The following MXD4 variants were observed in gnomAD, a reference collection of about 807,000 sequenced individuals.
MXD4 encodes MAX dimerization protein 4.
In MXD4, 16 loss-of-function variants were observed where a neutral mutation model predicts 24.5. The observed-to-expected ratio is 0.65, with a 90% CI of 0.44 to 0.99. The LOEUF is 0.99. Among genes scored for constraint, MXD4 ranks in the 50% least tolerant of loss-of-function variants. The pLI, the probability that MXD4 is intolerant of heterozygous loss-of-function variation, is 0.00. For missense variants in MXD4, 301 were observed against 301.5 expected (o/e 1.00, Z 0.01); for synonymous variants, 164 against 134.2 (o/e 1.22, Z -1.54).
chr4:2,260,597 A>G, intron 2 of MXD4: 1 of 454,846 alleles, frequency 2.2e-6, no homozygotes, highest in Non-Finnish European at 4.4e-6. Context: ...CCCTCGTCAC[A>G]CTCCTGTCCT....
chr4:2,249,098 C>G lies in MXD4; in HGVS notation c.*1446G>C, dbSNP rs187985927. 1 of 152,442 alleles carries G rather than the reference C, an allele frequency of 6.6e-6. No homozygotes were observed. Among genetic ancestry groups the G allele is most frequent in the Non-Finnish European group, 1.5e-5 (1 of 68,080 alleles). 9.4% of individuals were successfully genotyped at this position (152,442 alleles called of 1,614,324 possible). A position where few individuals can be genotyped will look rare whatever the true frequency, so the allele number is the denominator to read the frequency against. ...ACTGGGGACCAGGTCACAGCCCCTCCGTGCCACCCACAGGGGCCTGGCTGC... is the reference window on the plus strand; with the variant it reads ...ACTGGGGACCAGGTCACAGCCCCTCGGTGCCACCCACAGGGGCCTGGCTGC... On this transcript the variant is annotated 3_prime_UTR_variant, in exon 6 of 6. Coordinates refer to ENST00000337190, the MANE Select transcript of MXD4 (RefSeq NM_006454.3).
chr4:2,255,335 T>C (rs1283495580), intron 3 of MXD4: 1 of 456,098 alleles, frequency 2.2e-6, no homozygotes, highest in Non-Finnish European at 4.4e-6. Context: ...CAGACCGCTT[T>C]AGAAATCACG....
intron 3 of MXD4, among the ~76,000 whole-genome samples, chr4:2,257,175 G>C (rs1239994221): frequency 1.3e-5 from 2 of 152,208 alleles, no homozygotes; most frequent in Non-Finnish European, 2.9e-5. Context: ...GGGAGGCGGA[G>C]AACTGGCCGA....
intron 2 of MXD4, among the ~76,000 whole-genome samples, chr4:2,261,502 G>C (rs1243605414): frequency 4.0e-5 from 6 of 150,866 alleles, no homozygotes; most frequent in African/African-American, 1.5e-4. Flanking sequence ...TTACGCGAGC[G>C]GCCCGGGAGG....
At position 2,247,600 on chromosome 4, in the gene MXD4, A is replaced by C. The variant is rs985869960; in HGVS notation, c.*2944T>G. 1.3e-5 allele frequency: 2 copies of C among 152,162 alleles called. No individual in the cohort carries two copies. The highest frequency in any genetic ancestry group is 2.4e-5 in the African/African-American group (1 of 41,426). The allele number at this position is 152,162 out of a possible 1,614,324, so 9.4% of individuals were successfully genotyped here. The stretch of plus-strand genomic sequence containing the variant: ...TGGCACGGAACCTGCCCTAGTGCCC[A>C]ACATGGACCTGGGGCCACCCTGCTG... On this transcript the variant is annotated 3_prime_UTR_variant, in exon 6 of 6. Coordinates refer to ENST00000337190, the MANE Select transcript of MXD4 (RefSeq NM_006454.3).
rs1295984817 is a variant in MXD4, at chr4:2,248,354, G to C, written c.*2190C>G. 1 of 152,476 alleles carries C rather than the reference G, an allele frequency of 6.6e-6. No individual in the cohort carries two copies. Among genetic ancestry groups the C allele is most frequent in the Non-Finnish European group, 1.5e-5 (1 of 68,110 alleles). The allele number at this position is 152,476 out of a possible 1,614,324, so 9.4% of individuals were successfully genotyped here. The stretch of plus-strand genomic sequence containing the variant: ...GTCACCGGGTGGATTCTGCTGGTCA[G>C]AGATGAGAGCAGAAGCCCCTAGCTG... On this transcript the variant is annotated 3_prime_UTR_variant, in exon 6 of 6. Transcript: ENST00000337190.
intron 3 of MXD4, chr4:2,254,546 CAAGA>C (rs1735388185): frequency 6.6e-6 from 1 of 151,896 alleles, no homozygotes; most frequent in Admixed American, 6.6e-5. Flanking sequence ...CACGTTTGCA[CAAGA>C]AAGAAAAACA....
rs1735557795 is a variant in MXD4 at position 2,261,956 on chromosome 4, G to A, written c.25C>T (p.Leu9=). 2 of 1,442,766 alleles carry A rather than the reference G, an allele frequency of 1.4e-6. No homozygotes were observed. Among genetic ancestry groups the A allele is most frequent in the East Asian group, 3.0e-5 (1 of 33,080 alleles). 89.4% of individuals were successfully genotyped at this position (1,442,766 alleles called of 1,614,324 possible). The part of the protein sequence containing the change: MELNSLLI[L]LEAAEYLERR... ...TCCAGGTACTCGGCCGCCTCCAGCAGGATCAGCAGGGAGTTCAGCTCCATC... is the reference window on the plus strand; with the variant it reads ...TCCAGGTACTCGGCCGCCTCCAGCAAGATCAGCAGGGAGTTCAGCTCCATC... Residue 9 remains leucine (L), a synonymous_variant, in exon 1 of 6, where the codon CTG becomes TTG. Coordinates refer to ENST00000337190, the MANE Select transcript of MXD4 (RefSeq NM_006454.3).
intron 4 of MXD4, 92 bp from the exon 5 acceptor site, chr4:2,251,338 G>A (rs1577817587): frequency 1.4e-6 from 2 of 1,405,248 alleles, no homozygotes; most frequent in African/African-American, 1.5e-5. Flanking sequence ...CTGGGCCCGG[G>A]AGGTTCCCCA....
intron 3 of MXD4, among the ~76,000 whole-genome samples, chr4:2,255,993 A>G (rs1186692209): frequency 6.6e-6 from 1 of 152,176 alleles, no homozygotes; most frequent in East Asian, 1.9e-4. Context: ...GAGGTATGTG[A>G]AAGCCGTGTG....
chr4:2,256,082 G>A (rs1198717277), intron 3 of MXD4, among the ~76,000 whole-genome samples: 1 of 152,230 alleles, frequency 6.6e-6, no homozygotes, highest in Non-Finnish European at 1.5e-5. Flanking sequence ...ATGTGGGGCA[G>A]AGACTCAGCT....
In MXD4 at chr4:2,250,166, G is replaced by A. The variant is rs61789367; in HGVS notation, c.*378C>T. ...GTCCACTCCTTTCTCCTGGGATCCAGGGTTGGGGTCTGAGCTCCCTGTGGT... is the reference window on the plus strand; with the variant it reads ...GTCCACTCCTTTCTCCTGGGATCCAAGGTTGGGGTCTGAGCTCCCTGTGGT... On this transcript the variant is annotated 3_prime_UTR_variant, in exon 6 of 6. Coordinates refer to ENST00000337190, the MANE Select transcript of MXD4 (RefSeq NM_006454.3). The A allele has an allele frequency of 0.042, 9,625 of 228,388 alleles. 268 individuals are homozygous for A. The highest frequency in any genetic ancestry group is 0.083 in the Middle Eastern group (187 of 2,260). The allele number at this position is 228,388 out of a possible 1,614,324, so 14.1% of individuals were successfully genotyped here. A position where few individuals can be genotyped will look rare whatever the true frequency, so the allele number is the denominator to read the frequency against.
At chr4:2,255,035 T>C (rs888263334) in intron 3 of MXD4, 7 of 350,360 alleles carry the variant, frequency 2.0e-5, no homozygotes, top group African/African-American at 1.3e-4. Context: ...TGTCCGGAAG[T>C]CCCTGTGTAA....
rs192301828 is a variant in MXD4, at chr4:2,257,168, A to T, written c.194+814T>A. ...TGCTGTGGGGGTAGACATGGTGGGG[A>T]GGCGGAGAACTGGCCGAGCACCAAA... is the stretch of plus-strand genomic sequence containing the variant. On this transcript the variant is annotated intron_variant, in intron 3 of 5. Coordinates refer to ENST00000337190, the MANE Select transcript of MXD4 (RefSeq NM_006454.3). 1.6e-4 allele frequency among the ~76,000 whole-genome samples: 25 copies of T among 152,262 alleles called. 1 individual carries two copies. The East Asian group carries it at 2.3e-3, about 14-fold the overall frequency.
rs1400477076 is a variant in MXD4 at position 2,251,173 on chromosome 4, C to T, written c.383G>A (p.Arg128Gln). The T allele has an allele frequency of 5.6e-6, 9 of 1,603,066 alleles. No individual in the cohort carries two copies. Among genetic ancestry groups the T allele is most frequent in the Admixed American group, 1.7e-5 (1 of 58,754 alleles). The change falls in exon 5 of 6, where the codon CGG becomes CAG. Residue 128 changes from arginine to glutamine, a missense_variant. Physicochemically the swap from Arg to Gln is conservative, Grantham distance 43. Transcript: ENST00000337190. ...CTGCACCGACAGCTGCTCCAGGCGCCGCTTCAGGAAACGATGCTCCTGCTG... is the reference window on the plus strand; with the variant it reads ...CTGCACCGACAGCTGCTCCAGGCGCTGCTTCAGGAAACGATGCTCCTGCTG... ...QLQQEHRFLK[R>Q]RLEQLSVQSV... is the part of the protein sequence containing the mutation.
chr4:2,261,893 C>A, intron 1 of MXD4, 24 bp downstream of exon 1: 1 of 1,424,276 alleles, frequency 7.0e-7, no homozygotes, highest in Non-Finnish European at 9.2e-7. Flanking sequence ...CCGCCGCGGG[C>A]GCACAATGGG....
At position 2,261,911 on chromosome 4, in the gene MXD4, C is replaced by A. The variant is rs775256409; in HGVS notation, c.64+6G>T. On this transcript the variant is annotated splice_donor_region_variant and intron_variant, in intron 1 of 5. Transcript: ENST00000337190. Reference sequence around the variant, plus strand: ...CCGCGGGCGCACAATGGGGTGCGAGCGCTACCTCGATCCCTGCGCTCCAGG... The same window carrying A: ...CCGCGGGCGCACAATGGGGTGCGAGAGCTACCTCGATCCCTGCGCTCCAGG... The A allele has an allele frequency of 3.4e-6, 5 of 1,458,738 alleles. No homozygotes were observed. The South Asian group carries it at 5.2e-5, about 15-fold the overall frequency. The allele number at this position is 1,458,738 out of a possible 1,614,324, so 90.4% of individuals were successfully genotyped here.
intron 2 of MXD4, chr4:2,258,981 C>T (rs1380049255): frequency 8.1e-5 from 37 of 455,472 alleles, no homozygotes; most frequent in Non-Finnish European, 1.6e-4. Context: ...GGACCTCGCT[C>T]CCAGCTCCAG....
At chr4:2,256,222 A>G (rs1735425765) in intron 3 of MXD4, among the ~76,000 whole-genome samples, 1 of 152,220 alleles carries the variant, frequency 6.6e-6, no homozygotes, top group African/African-American at 2.4e-5. Context: ...TGAGGTCAGC[A>G]GCCAAGAAGG....
Sources: allele counts gnomAD v4.1 joint callset (sites outside exome capture counted in the v4.1 genomes callset), GRCh38; gene constraint gnomAD v4.1.1; transcripts MANE v1.5; gene names NCBI Gene and HGNC (gene_info 2026-07-23, HGNC 2026-07-21).